Variants in RERE observed in about 807,000 individuals in gnomAD.
RERE encodes arginine-glutamic acid dipeptide repeats protein.
RERE carries 40 observed loss-of-function variants against 146.1 expected under a neutral mutation model. The ratio of observed to expected loss-of-function variants is 0.27; its 90% confidence interval spans 0.21 to 0.36. The LOEUF (loss-of-function observed/expected upper bound fraction) is 0.36. RERE is among the 10% of genes least tolerant of loss of function. The pLI, the probability that RERE is intolerant of heterozygous loss-of-function variation, is 1.00. For missense variants in RERE, 1,933 were observed against 2,138.7 expected (o/e 0.90, Z 1.90); for synonymous variants, 1,003 against 866.0 (o/e 1.16, Z -2.78).
chr1:8,759,609 C>T (rs1640711128), intron 1 of RERE, among the ~76,000 whole-genome samples: 1 of 152,150 alleles, frequency 6.6e-6, no homozygotes, highest in Non-Finnish European at 1.5e-5. Flanking sequence ...TTTAAAAAAT[C>T]AAAATCTCAA....
In RERE at chr1:8,599,340, C is replaced by T. The variant is rs112987101; in HGVS notation, c.522+15221G>A. ...AACTTCTTGTATAACTTCCTTCATACGGGAAAAACATCAAGTTCAACGTGT... is the reference window on the plus strand; with the variant it reads ...AACTTCTTGTATAACTTCCTTCATATGGGAAAAACATCAAGTTCAACGTGT... On this transcript the variant is annotated intron_variant, in intron 4 of 22. Transcript: ENST00000400908. Among the ~76,000 whole-genome samples, 1,438 of 152,172 alleles carry T rather than the reference C, an allele frequency of 9.4e-3. 25 individuals are homozygous for T. The highest frequency in any genetic ancestry group is 0.033 in the African/African-American group (1,382 of 41,496).
intron 12 of RERE, among the ~76,000 whole-genome samples, chr1:8,401,940 A>G (rs55818451): frequency 0.19 from 29,210 of 151,900 alleles, 3,044 homozygotes; most frequent in South Asian, 0.28. Context: ...ATCTCGGCTC[A>G]CTGCAACCTC....
intron 17 of RERE, 42 bp downstream of exon 17, chr1:8,361,721 A>C (rs748727206): frequency 9.2e-6 from 14 of 1,530,004 alleles, no homozygotes; most frequent in Non-Finnish European, 1.3e-5. Flanking sequence ...GCTTCTGAAG[A>C]AGCATTAGCT....
At chr1:8,550,145 C>CCTGA (rs1449982181) in intron 6 of RERE, among the ~76,000 whole-genome samples, 1 of 152,118 alleles carries the variant, frequency 6.6e-6, no homozygotes, top group Non-Finnish European at 1.5e-5. Flanking sequence ...ATATATTGAA[C>CCTGA]CTGAGTACTT....
chr1:8,565,606 C>A (rs543560018), intron 4 of RERE, among the ~76,000 whole-genome samples: 1 of 152,218 alleles, frequency 6.6e-6, no homozygotes, highest in African/African-American at 2.4e-5. Context: ...ACTCGGGAGG[C>A]TGAGTGAGGC....
At chr1:8,617,475 C>T (rs1557437873) in intron 3 of RERE, among the ~76,000 whole-genome samples, 1 of 151,932 alleles carries the variant, frequency 6.6e-6, no homozygotes, top group Non-Finnish European at 1.5e-5. Context: ...TGATAACGAA[C>T]TTTAATGTAA....
intron 4 of RERE, among the ~76,000 whole-genome samples, chr1:8,587,425 A>G (rs917957987): frequency 2.0e-5 from 3 of 152,174 alleles, no homozygotes; most frequent in Non-Finnish European, 2.9e-5. Context: ...CCTATCTACA[A>G]TACAAATCAC....
chr1:8,644,631 T>C lies in RERE; in HGVS notation c.325+11342A>G, dbSNP rs545055654. Among the ~76,000 whole-genome samples, 23 of 152,332 alleles carry C rather than the reference T, an allele frequency of 1.5e-4. No homozygotes were observed. The Middle Eastern group carries it at 0.01, about 68-fold the overall frequency. On this transcript the variant is annotated intron_variant, in intron 2 of 22. Transcript: ENST00000400908. ...CAAAATCCAGTAATCACCATTAGCC[T>C]ATGTATTCTTGAACAATTTACTACT... is the stretch of plus-strand genomic sequence containing the variant.
intron 12 of RERE, among the ~76,000 whole-genome samples, chr1:8,366,357 G>A (rs968145727): frequency 1.4e-4 from 21 of 152,264 alleles, no homozygotes; most frequent in African/African-American, 4.1e-4. Context: ...GTGTGTGCAC[G>A]TGAGTCTGTG....
chr1:8,815,566 G>C (rs181751362), intron 1 of RERE, among the ~76,000 whole-genome samples: 1 of 152,312 alleles, frequency 6.6e-6, no homozygotes, highest in South Asian at 2.1e-4. Context: ...AAGGAATAAA[G>C]GGAGGCAGAG....
At chr1:8,613,568 C>CG (rs1173836088) in intron 4 of RERE, among the ~76,000 whole-genome samples, 2 of 152,164 alleles carry the variant, frequency 1.3e-5, no homozygotes, top group South Asian at 2.1e-4. Context: ...TTCTTTTCTA[C>CG]GACCCAAGAT....
At chr1:8,657,350 G>A (rs868585129) in intron 1 of RERE, among the ~76,000 whole-genome samples, 61 of 150,954 alleles carry the variant, frequency 4.0e-4, no homozygotes, top group African/African-American at 1.4e-3. Flanking sequence ...AAAGTCTCAG[G>A]ATATCGCATA....
In RERE at chr1:8,490,206, C is replaced by CA. The variant is rs555670946; in HGVS notation, c.1104+4856dup. Among the ~76,000 whole-genome samples, 8 of 149,084 alleles carry CA rather than the reference C, an allele frequency of 5.4e-5. No homozygotes were observed. The South Asian group carries it at 1.5e-3, about 27-fold the overall frequency. ...TGAAATCCTGTCTCTACGAAAAATA[C>CA]AAAAAAATTAGCTGGACGTGGTGGC... On this transcript the variant is annotated intron_variant, in intron 10 of 22. Coordinates refer to ENST00000400908, the MANE Select transcript of RERE (RefSeq NM_001042681.2).
At position 8,810,740 on chromosome 1, in the gene RERE, G is replaced by T. The variant is rs116299965; in HGVS notation, c.-145+6420C>A. Among the ~76,000 whole-genome samples, 910 of 152,268 alleles carry T rather than the reference G, an allele frequency of 6.0e-3. 7 individuals are homozygous for T. Among genetic ancestry groups the T allele is most frequent in the African/African-American group, 0.021 (884 of 41,550 alleles). On this transcript the variant is annotated intron_variant, in intron 1 of 22. Coordinates refer to ENST00000400908, the MANE Select transcript of RERE (RefSeq NM_001042681.2). ...GAAACAGGTATTCTTTGGGGTAAGG[G>T]AGGAAAATGAAAAACAAAAACCCTC...
intron 1 of RERE, among the ~76,000 whole-genome samples, chr1:8,682,985 A>G (rs920828932): frequency 6.7e-6 from 1 of 148,836 alleles, no homozygotes; most frequent in African/African-American, 2.5e-5. Context: ...GACCCCAATC[A>G]GAAGTTAGAC....
intron 4 of RERE, among the ~76,000 whole-genome samples, chr1:8,605,654 C>A (rs1250057904): frequency 7.0e-6 from 1 of 142,076 alleles, no homozygotes; most frequent in Non-Finnish European, 1.5e-5. Context: ...GAAGCTGAGG[C>A]AGGAGAATCA....
chr1:8,809,541 G>A (rs1050808198), intron 1 of RERE, among the ~76,000 whole-genome samples: 2 of 152,138 alleles, frequency 1.3e-5, no homozygotes, highest in African/African-American at 4.8e-5. Context: ...TAAATAGATG[G>A]ACCATATTTC....
chr1:8,421,858 G>C (rs1199726171), intron 12 of RERE, among the ~76,000 whole-genome samples: 1 of 152,202 alleles, frequency 6.6e-6, no homozygotes, highest in African/African-American at 2.4e-5. Context: ...AAGTCCTGAA[G>C]AGTGTTTCTG....
At chr1:8,377,994 C>G (rs1642317302) in intron 12 of RERE, among the ~76,000 whole-genome samples, 1 of 152,174 alleles carries the variant, frequency 6.6e-6, no homozygotes, top group Non-Finnish European at 1.5e-5. Context: ...AACAACACTT[C>G]TCTTATATTT....
Sources: allele counts gnomAD v4.1 joint callset (sites outside exome capture counted in the v4.1 genomes callset), GRCh38; gene constraint gnomAD v4.1.1; transcripts MANE v1.5; gene names NCBI Gene and HGNC (gene_info 2026-07-23, HGNC 2026-07-21).